WAC: variants seen among roughly 807,000 people sequenced by gnomAD.
WAC encodes WW domain-containing adapter protein with coiled-coil.
WAC carries 11 observed loss-of-function variants against 79.6 expected under a neutral mutation model. The ratio of observed to expected loss-of-function variants is 0.14; its 90% CI spans 0.09 to 0.23. The LOEUF (loss-of-function observed/expected upper bound fraction) is 0.23, where lower values mean the gene tolerates loss of function less well. WAC is among the 10% of genes least tolerant of loss of function. The probability of loss-of-function intolerance (pLI) is 1.00; values close to 1 mark genes in which losing one functional copy is unlikely to be tolerated. For missense variants in WAC, 728 were observed against 773.5 expected (o/e 0.94, Z 0.70); for synonymous variants, 304 against 276.9 (o/e 1.10, Z -0.97).
chr10:28,589,857 T>A lies in WAC; in HGVS notation c.497+6T>A, dbSNP rs1353834937. 1 of 1,570,540 alleles carries A rather than the reference T, an allele frequency of 6.4e-7. No individual in the cohort carries two copies. Among genetic ancestry groups the A allele is most frequent in the African/African-American group, 1.4e-5 (1 of 74,072 alleles). Reference sequence around the variant, plus strand: ...CCAAAAGAGTGGCTTGAAAGGTAATTAGCTTTTAATCTAATTAAACATTAT... The same window carrying A: ...CCAAAAGAGTGGCTTGAAAGGTAATAAGCTTTTAATCTAATTAAACATTAT... On this transcript the variant is annotated splice_donor_region_variant and intron_variant, in intron 5 of 13. Transcript: ENST00000354911.
chr10:28,590,311 C>CAAAAAAAAAAAAAAAAAAAAAAA (rs34562281), intron 5 of WAC, among the ~76,000 whole-genome samples: 1 of 103,384 alleles, frequency 9.7e-6, no homozygotes. Flanking sequence ...GATGCTATCT[C>CAAAAAAAAAAAAAAAAAAAAAAA]AAAAAAAAAA....
chr10:28,538,234 G>C (rs1438315237), intron 3 of WAC: 1 of 206,806 alleles, frequency 4.8e-6, no homozygotes, highest in Non-Finnish European at 1.1e-5. Flanking sequence ...GATGTTAAAA[G>C]TGTATATGTA....
At chr10:28,611,720 G>GT (rs1264489603) in intron 9 of WAC, 54 bp from the exon 10 acceptor site, 3 of 1,592,098 alleles carry the variant, frequency 1.9e-6, no homozygotes, top group East Asian at 2.2e-5. Context: ...AAGGACTTTA[G>GT]TTTTTTGTTT....
chr10:28,533,892 C>A (rs1836446438), intron 1 of WAC, 106 bp from the exon 2 acceptor site: 3 of 1,389,270 alleles, frequency 2.2e-6, no homozygotes, highest in South Asian at 1.2e-5. Flanking sequence ...CTGGGGCGCT[C>A]GGTAGGTCTC....
intron 7 of WAC, among the ~76,000 whole-genome samples, chr10:28,604,128 A>C (rs1840807689): frequency 6.6e-6 from 1 of 151,068 alleles, no homozygotes; most frequent in African/African-American, 2.4e-5. Context: ...ATTTGTCTCT[A>C]CATAGTGTTA....
chr10:28,558,026 A>G (rs867131168), intron 3 of WAC, among the ~76,000 whole-genome samples: 1 of 152,232 alleles, frequency 6.6e-6, no homozygotes, highest in African/African-American at 2.4e-5. Context: ...GTGAGCCTAG[A>G]TTGTGCCATT....
intron 3 of WAC, among the ~76,000 whole-genome samples, chr10:28,557,364 A>G (rs1838054167): frequency 6.6e-6 from 1 of 152,156 alleles, no homozygotes. Flanking sequence ...AGGATATGAG[A>G]TTTTCTTTTG....
intron 3 of WAC, among the ~76,000 whole-genome samples, chr10:28,555,528 C>A (rs1221218879): frequency 6.6e-6 from 1 of 152,050 alleles, no homozygotes; most frequent in Non-Finnish European, 1.5e-5. Context: ...ACTCTGAATG[C>A]AGCATGAGCA....
intron 3 of WAC, among the ~76,000 whole-genome samples, chr10:28,570,062 A>C (rs1213502171): frequency 6.6e-6 from 1 of 152,196 alleles, no homozygotes; most frequent in African/African-American, 2.4e-5. Context: ...CACATGTCTC[A>C]GCTGAGACAC....
At chr10:28,592,063 T>C (rs332155) in intron 6 of WAC, among the ~76,000 whole-genome samples, 28,412 of 152,006 alleles carry the variant, frequency 0.19, 3,118 homozygotes, top group Non-Finnish European at 0.25. Flanking sequence ...GTAACATACA[T>C]CTGCAGGATT....
intron 3 of WAC, among the ~76,000 whole-genome samples, chr10:28,565,573 A>G (rs1488986237): frequency 1.3e-5 from 2 of 152,178 alleles, no homozygotes; most frequent in Non-Finnish European, 2.9e-5. Flanking sequence ...AAAGCAGAAT[A>G]ATCTTCACTT....
Position 28,622,978 on chromosome 10 carries a change from A to G in WAC, c.*3372A>G, listed in dbSNP as rs1841743945. 6.6e-6 allele frequency: 1 copy of G among 152,238 alleles called. No homozygotes were observed. The highest frequency in any genetic ancestry group is 1.5e-5 in the Non-Finnish European group (1 of 68,046). The allele number at this position is 152,238 out of a possible 1,614,324, so 9.4% of individuals were successfully genotyped here. On this transcript the variant is annotated 3_prime_UTR_variant, in exon 14 of 14. Coordinates refer to ENST00000354911, the MANE Select transcript of WAC (RefSeq NM_016628.5). ...TTGTATTTGTACGGGAGTGTACAAA[A>G]TGACACTGAAAAGTAATAAATATGT...
intron 10 of WAC, 86 bp downstream of exon 10, chr10:28,612,008 C>T (rs1036532114): frequency 1.3e-6 from 2 of 1,501,238 alleles, no homozygotes; most frequent in East Asian, 2.3e-5. Flanking sequence ...ATAGAAAAAG[C>T]CCTCTGAGAA....
chr10:28,578,171 CAAAA>C (rs1219797486), intron 3 of WAC, among the ~76,000 whole-genome samples: 1 of 151,710 alleles, frequency 6.6e-6, no homozygotes, highest in Admixed American at 6.6e-5. Flanking sequence ...CAAAACAAAA[CAAAA>C]AAATTTAAAA....
At chr10:28,570,534 C>G (rs1385954708) in intron 3 of WAC, among the ~76,000 whole-genome samples, 4 of 152,144 alleles carry the variant, frequency 2.6e-5, no homozygotes, top group African/African-American at 9.7e-5. Flanking sequence ...TATCCTGTTG[C>G]AATAGGAGCA....
In WAC at chr10:28,583,588, T is replaced by C. The variant is rs1325825761; in HGVS notation, c.381+83T>C. 6.4e-6 allele frequency: 6 copies of C among 937,364 alleles called. No individual in the cohort carries two copies. In the African/African-American group the frequency reaches 1.0e-4, roughly 16 times the overall value. 58.1% of individuals were successfully genotyped at this position (937,364 alleles called of 1,614,324 possible). A position where few individuals can be genotyped will look rare whatever the true frequency, so the allele number is the denominator to read the frequency against. On this transcript the variant is annotated intron_variant, in intron 4 of 13. Transcript: ENST00000354911. ...AAAAAATACAACCCATGGCAAGTCT[T>C]GTAAAATCTAATGTCTTTTTTTTTA...
chr10:28,618,645 A>G (rs1481585473), intron 13 of WAC, among the ~76,000 whole-genome samples: 1 of 152,240 alleles, frequency 6.6e-6, no homozygotes, highest in Non-Finnish European at 1.5e-5. Flanking sequence ...GATTATGCCT[A>G]ATTCATGTGT....
intron 3 of WAC, among the ~76,000 whole-genome samples, chr10:28,549,952 C>T (rs1005728610): frequency 2.0e-5 from 3 of 152,078 alleles, no homozygotes; most frequent in Non-Finnish European, 4.4e-5. Flanking sequence ...ATCACGAGGT[C>T]AGAAATTCAA....
intron 3 of WAC, among the ~76,000 whole-genome samples, chr10:28,552,176 T>C (rs554209447): frequency 6.6e-6 from 1 of 152,238 alleles, no homozygotes; most frequent in Non-Finnish European, 1.5e-5. Context: ...TTGTTACTTT[T>C]CAGTTTTTTT....
Sources: gnomAD v4.1 joint callset for allele counts (sites outside exome capture counted in the v4.1 genomes callset) on GRCh38, gnomAD v4.1.1 for gene constraint, MANE v1.5 for transcripts, NCBI Gene and HGNC (gene_info 2026-07-23, HGNC 2026-07-21) for gene names.